MYO1D: variants seen among roughly 807,000 people sequenced by gnomAD.
MYO1D encodes myosin ID.
MYO1D carries 83 observed loss-of-function variants against 122.0 expected under a neutral mutation model. The ratio of observed to expected loss-of-function variants is 0.68; its 90% confidence interval spans 0.57 to 0.82. The LOEUF is 0.82. Among genes scored for constraint, MYO1D ranks in the 40% least tolerant of loss-of-function variants. MYO1D has a pLI of 0.00. For missense variants in MYO1D, 1,157 were observed against 1,269.5 expected, an observed-to-expected ratio of 0.91 and a Z score of 1.35; for synonymous variants, 464 against 446.9, an observed-to-expected ratio of 1.04 and a Z score of -0.48.
At chr17:32,834,130 T>C (rs941210363) in intron 1 of MYO1D, among the ~76,000 whole-genome samples, 1 of 152,202 alleles carries the variant, frequency 6.6e-6, no homozygotes, top group Non-Finnish European at 1.5e-5. Flanking sequence ...AGATGTTTGC[T>C]GAATAAATGA....
intron 16 of MYO1D, among the ~76,000 whole-genome samples, chr17:32,689,103 T>C (rs2089061400): frequency 2.0e-5 from 3 of 152,316 alleles, no homozygotes; most frequent in East Asian, 1.9e-4. Context: ...ACAATGAACA[T>C]GTATTACCTT....
intron 1 of MYO1D, among the ~76,000 whole-genome samples, chr17:32,783,875 G>C (rs1439085075): frequency 3.3e-5 from 5 of 152,134 alleles, no homozygotes; most frequent in Admixed American, 2.0e-4. Flanking sequence ...TCTTACAAGA[G>C]ACCAAGGAAG....
intron 21 of MYO1D, among the ~76,000 whole-genome samples, chr17:32,576,382 G>C: frequency 6.6e-6 from 1 of 152,132 alleles, no homozygotes; most frequent in East Asian, 1.9e-4. Context: ...CAATTTCTGA[G>C]GACAATTGTG....
rs771810334 is a variant in MYO1D, at chr17:32,772,816, TC to T, written c.590del (p.Gly197GlufsTer41). ...EKSRVIVQQP[G>X]ERSFHSFYQL... ...GATAGAAAGAATGAAAGCTTCTTTC[TC>T]CTGGCTGTTGCACAATCACTCGAGA... On this transcript the variant is annotated frameshift_variant, in exon 5 of 22. Coordinates refer to ENST00000318217, the MANE Select transcript of MYO1D (RefSeq NM_015194.3). LOFTEE classifies it high-confidence loss of function. The T allele has an allele frequency of 6.2e-7, 1 of 1,613,548 alleles. No individual in the cohort carries two copies. Among genetic ancestry groups the T allele is most frequent in the Non-Finnish European group, 8.5e-7 (1 of 1,179,448 alleles).
At chr17:32,853,770 T>C (rs576712449) in intron 1 of MYO1D, among the ~76,000 whole-genome samples, 1 of 152,354 alleles carries the variant, frequency 6.6e-6, no homozygotes, top group South Asian at 2.1e-4. Context: ...GATCTTTTTT[T>C]CCACACTTCT....
At chr17:32,768,924 T>C (rs2090087394) in intron 6 of MYO1D, among the ~76,000 whole-genome samples, 1 of 152,188 alleles carries the variant, frequency 6.6e-6, no homozygotes, top group Admixed American at 6.5e-5. Context: ...TGTTGGCTGC[T>C]TACCTAACAG....
At chr17:32,819,850 T>C (rs563835974) in intron 1 of MYO1D, among the ~76,000 whole-genome samples, 81 of 152,350 alleles carry the variant, frequency 5.3e-4, no homozygotes, top group Non-Finnish European at 6.9e-4. Flanking sequence ...TGAGGCATAG[T>C]GAACTTTGGG....
chr17:32,827,037 G>A (rs1467185082), intron 1 of MYO1D, among the ~76,000 whole-genome samples: 1 of 151,984 alleles, frequency 6.6e-6, no homozygotes, highest in Non-Finnish European at 1.5e-5. Context: ...TCCATTCCTG[G>A]GTATGCACCC....
chr17:32,749,721 T>A (rs922903257), intron 11 of MYO1D, among the ~76,000 whole-genome samples: 5 of 152,070 alleles, frequency 3.3e-5, no homozygotes, highest in Admixed American at 3.3e-4. Context: ...AGCGAGACCC[T>A]GTCTCAAAAA....
chr17:32,759,918 A>T (rs1261637327), intron 10 of MYO1D: 2 of 515,654 alleles, frequency 3.9e-6, no homozygotes, highest in Non-Finnish European at 3.4e-6. Flanking sequence ...GAGGAGAAAA[A>T]GGAGGAAAAA....
At chr17:32,516,640 T>G in intron 21 of MYO1D, among the ~76,000 whole-genome samples, 1 of 152,354 alleles carries the variant, frequency 6.6e-6, no homozygotes, top group Non-Finnish European at 1.5e-5. Context: ...TTGCCAAATT[T>G]GGCTTGCCCT....
At chr17:32,647,941 C>T (rs749409114) in intron 19 of MYO1D, among the ~76,000 whole-genome samples, 5 of 152,134 alleles carry the variant, frequency 3.3e-5, no homozygotes, top group Admixed American at 2.6e-4. Flanking sequence ...GGACTGGGCA[C>T]GATGGCTCAT....
At chr17:32,626,854 C>G (rs1037480132) in intron 20 of MYO1D, among the ~76,000 whole-genome samples, 1 of 152,074 alleles carries the variant, frequency 6.6e-6, no homozygotes, top group African/African-American at 2.4e-5. Flanking sequence ...TATTTTAAAA[C>G]GACGTGGCTC....
chr17:32,840,278 C>T (rs1567666996), intron 1 of MYO1D, among the ~76,000 whole-genome samples: 1 of 152,168 alleles, frequency 6.6e-6, no homozygotes, highest in Non-Finnish European at 1.5e-5. Flanking sequence ...AGGAAGGTTG[C>T]AAGGGTATCT....
At chr17:32,835,164 GTT>G (rs779434725) in intron 1 of MYO1D, among the ~76,000 whole-genome samples, 1 of 140,848 alleles carries the variant, frequency 7.1e-6, no homozygotes, top group Middle Eastern at 3.4e-3. Flanking sequence ...TTCTTTTGGG[GTT>G]TTTTTTTTTT....
intron 1 of MYO1D, among the ~76,000 whole-genome samples, chr17:32,794,721 T>TACC (rs995934820): frequency 2.0e-5 from 3 of 151,994 alleles, no homozygotes; most frequent in Non-Finnish European, 4.4e-5. Flanking sequence ...CATGTGACTA[T>TACC]ACCACAGCAG....
intron 21 of MYO1D, among the ~76,000 whole-genome samples, chr17:32,554,489 A>C (rs1228933669): frequency 6.6e-6 from 1 of 152,234 alleles, no homozygotes; most frequent in Non-Finnish European, 1.5e-5. Context: ...AAATTATTAA[A>C]ATTTGTAAAA....
chr17:32,552,704 G>T (rs2087029099), intron 21 of MYO1D, among the ~76,000 whole-genome samples: 1 of 152,178 alleles, frequency 6.6e-6, no homozygotes, highest in Non-Finnish European at 1.5e-5. Context: ...TGCTCCAATG[G>T]AAGATACAGA....
intron 4 of MYO1D, among the ~76,000 whole-genome samples, chr17:32,775,662 A>G (rs745324532): frequency 6.6e-6 from 1 of 152,168 alleles, no homozygotes; most frequent in Non-Finnish European, 1.5e-5. Context: ...ATCTATCTAC[A>G]AAGTCCACAA....
Sources: allele counts gnomAD v4.1 joint callset (sites outside exome capture counted in the v4.1 genomes callset), GRCh38; gene constraint gnomAD v4.1.1; transcripts MANE v1.5; gene names NCBI Gene and HGNC (gene_info 2026-07-23, HGNC 2026-07-21).